NAV2: variants seen among roughly 807,000 people sequenced by gnomAD.
NAV2 encodes the protein neuron navigator 2, also known as helicase, APC down-regulated 1.
In NAV2, 54 loss-of-function variants were observed where a neutral mutation model predicts 223.2. The observed-to-expected ratio is 0.24, with a 90% confidence interval of 0.19 to 0.30. The LOEUF is 0.30. Among genes scored for constraint, NAV2 ranks in the 10% least tolerant of loss-of-function variants. The pLI, the probability that NAV2 is intolerant of heterozygous loss-of-function variation, is 1.00. For missense variants in NAV2, 2,806 were observed against 3,147.5 expected (o/e 0.89, Z 2.60); for synonymous variants, 1,279 against 1,239.3 (o/e 1.03, Z -0.67).
chr11:19,744,200 C>A (rs1011285802), intron 1 of NAV2, among the ~76,000 whole-genome samples: 4 of 152,176 alleles, frequency 2.6e-5, no homozygotes, highest in African/African-American at 4.8e-5. Flanking sequence ...CTAGGGCTTG[C>A]CTTTGTGTAG....
At chr11:19,556,664 G>A (rs2044902978) in intron 1 of NAV2, among the ~76,000 whole-genome samples, 1 of 152,174 alleles carries the variant, frequency 6.6e-6, no homozygotes. Context: ...AATACCTTAA[G>A]TAACACGATC....
intron 1 of NAV2, among the ~76,000 whole-genome samples, chr11:19,619,071 C>G (rs2046903204): frequency 6.8e-6 from 1 of 147,886 alleles, no homozygotes; most frequent in African/African-American, 2.5e-5. Flanking sequence ...ATCCATGTCC[C>G]TACAAAGGAC....
chr11:19,786,948 G>T (rs1034523039), intron 1 of NAV2, among the ~76,000 whole-genome samples: 29 of 152,124 alleles, frequency 1.9e-4, no homozygotes, highest in African/African-American at 7.0e-4. Flanking sequence ...GAAGGCTGTA[G>T]TGTGCTGTAT....
intron 1 of NAV2, among the ~76,000 whole-genome samples, chr11:19,675,654 G>A (rs974549962): frequency 6.6e-6 from 1 of 152,152 alleles, no homozygotes; most frequent in African/African-American, 2.4e-5. Context: ...CCTTCTATGC[G>A]CCAATAAATC....
chr11:20,014,883 C>T (rs1694185273), intron 11 of NAV2, among the ~76,000 whole-genome samples: 1 of 152,024 alleles, frequency 6.6e-6, no homozygotes, highest in African/African-American at 2.4e-5. Context: ...GCCTGGGTGA[C>T]ACAGCAAGAC....
chr11:19,922,154 C>T (rs1367318855), intron 6 of NAV2, among the ~76,000 whole-genome samples: 4 of 152,180 alleles, frequency 2.6e-5, no homozygotes, highest in Non-Finnish European at 1.5e-5. Context: ...CCCCCTAACA[C>T]CCACTGCTGT....
chr11:19,539,088 A>C (rs188261331), intron 1 of NAV2, among the ~76,000 whole-genome samples: 17 of 152,264 alleles, frequency 1.1e-4, no homozygotes, highest in Non-Finnish European at 2.1e-4. Context: ...CCTTCCCCTG[A>C]ACTGTAAATG....
chr11:19,890,749 C>A (rs1341667531), intron 5 of NAV2, among the ~76,000 whole-genome samples: 5 of 152,128 alleles, frequency 3.3e-5, no homozygotes, highest in Non-Finnish European at 5.9e-5. Flanking sequence ...GAAGCAGAAC[C>A]AAGAGGTACT....
chr11:19,970,876 C>T (rs2049179592), intron 10 of NAV2, among the ~76,000 whole-genome samples: 1 of 152,130 alleles, frequency 6.6e-6, no homozygotes, highest in Non-Finnish European at 1.5e-5. Context: ...TTGAAATCCC[C>T]CCAGATCTAA....
At chr11:19,663,406 CAG>C (rs1442111050) in intron 1 of NAV2, among the ~76,000 whole-genome samples, 5 of 152,130 alleles carry the variant, frequency 3.3e-5, no homozygotes, top group East Asian at 1.9e-4. Flanking sequence ...GCAAATAAAA[CAG>C]AGGCTTAGAG....
intron 1 of NAV2, among the ~76,000 whole-genome samples, chr11:19,446,082 C>T (rs1446690606): frequency 6.6e-6 from 1 of 152,134 alleles, no homozygotes; most frequent in Non-Finnish European, 1.5e-5. Flanking sequence ...TTTTCCAGAT[C>T]TTAGTTTGCT....
chr11:20,114,647 A>G lies in NAV2; in HGVS notation c.7016A>G (p.Tyr2339Cys). 1 of 1,614,184 alleles carries G rather than the reference A, an allele frequency of 6.2e-7. No individual in the cohort carries two copies. The highest frequency in any genetic ancestry group is 8.5e-7 in the Non-Finnish European group (1 of 1,180,038). Residue 2339 changes from tyrosine (Y) to cysteine (C), a missense_variant, in exon 37 of 38, where the codon TAT becomes TGT. Physicochemically the swap from Tyr to Cys is radical, Grantham distance 194. Around this residue, in one of 4 missense-constraint regions of NAV2, gnomAD observed 824 missense variants for 1,069.4 expected, o/e 0.77. Coordinates refer to ENST00000349880, the MANE Select transcript of NAV2 (RefSeq NM_145117.5). ...EDPAKWVMDT[Y>C]PWAASPQQHE... ...CCTGCCAAGTGGGTGATGGACACAT[A>G]TCCATGGGCAGCCAGCCCACAACAG...
intron 1 of NAV2, among the ~76,000 whole-genome samples, chr11:19,470,799 G>A (rs951347909): frequency 2.0e-5 from 3 of 152,172 alleles, no homozygotes; most frequent in Non-Finnish European, 4.4e-5. Flanking sequence ...TACAGACTTG[G>A]ATAAGGGGCT....
intron 1 of NAV2, among the ~76,000 whole-genome samples, chr11:19,512,370 C>T (rs999937159): frequency 6.6e-6 from 1 of 152,156 alleles, no homozygotes; most frequent in Admixed American, 6.5e-5. Flanking sequence ...TAAAACTGGC[C>T]TCCATGAGAG....
intron 1 of NAV2, among the ~76,000 whole-genome samples, chr11:19,601,248 G>A (rs2046343202): frequency 6.6e-6 from 1 of 152,148 alleles, no homozygotes; most frequent in South Asian, 2.1e-4. Flanking sequence ...CCCAATTGCT[G>A]CTGCTTCCTC....
intron 36 of NAV2, among the ~76,000 whole-genome samples, chr11:20,110,920 C>T (rs1479810645): frequency 6.6e-6 from 1 of 152,070 alleles, no homozygotes; most frequent in Non-Finnish European, 1.5e-5. Flanking sequence ...CTACCGTGCA[C>T]CAGGAGCTGG....
chr11:19,367,946 A>G (rs1380043413), intron 1 of NAV2, among the ~76,000 whole-genome samples: 2 of 152,168 alleles, frequency 1.3e-5, no homozygotes, highest in African/African-American at 4.8e-5. Context: ...TCCTCCTTCC[A>G]TTAGGACACA....
At chr11:19,971,704 T>G (rs987874510) in intron 10 of NAV2, among the ~76,000 whole-genome samples, 1 of 152,226 alleles carries the variant, frequency 6.6e-6, no homozygotes, top group African/African-American at 2.4e-5. Flanking sequence ...CTCAATGTTT[T>G]TCAAACTTTT....
chr11:20,085,386 G>A (rs1482700516), intron 26 of NAV2, among the ~76,000 whole-genome samples: 1 of 152,140 alleles, frequency 6.6e-6, no homozygotes, highest in Non-Finnish European at 1.5e-5. Context: ...GGAGATGAAT[G>A]TTAAACAAAT....
Sources: allele counts gnomAD v4.1 joint callset (sites outside exome capture counted in the v4.1 genomes callset), GRCh38; gene constraint gnomAD v4.1.1; regional missense constraint gnomAD v4.1.1; transcripts MANE v1.5; gene names NCBI Gene and HGNC (gene_info 2026-07-23, HGNC 2026-07-21).